Variants in CNTNAP2 observed in about 807,000 individuals in gnomAD.
The protein encoded by CNTNAP2 is contactin associated protein 2, also known as contactin-associated protein-like 2.
Under a neutral mutation model 155.2 loss-of-function variants are expected in CNTNAP2, and 98 were observed. The observed-to-expected ratio is 0.63, with a 90% CI of 0.54 to 0.75. The LOEUF (loss-of-function observed/expected upper bound fraction) is 0.75, where lower values mean the gene tolerates loss of function less well. CNTNAP2 is among the 30% of genes least tolerant of loss of function. CNTNAP2 has a pLI of 0.00. For synonymous variants in CNTNAP2, 651 were observed against 631.2 expected (o/e 1.03, Z -0.47); for missense variants, 1,727 against 1,688.1 (o/e 1.02, Z -0.40).
chr7:146,805,487 A>T (rs989253864), intron 2 of CNTNAP2, among the ~76,000 whole-genome samples: 7 of 152,188 alleles, frequency 4.6e-5, no homozygotes, highest in Admixed American at 3.3e-4. Flanking sequence ...ATGAGGAACC[A>T]CTAGCCTGGG....
intron 20 of CNTNAP2, among the ~76,000 whole-genome samples, chr7:148,266,064 A>G (rs1796661937): frequency 6.6e-6 from 1 of 152,164 alleles, no homozygotes; most frequent in Admixed American, 6.5e-5. Context: ...TGCCTTCAAC[A>G]AGTTGCTGCT....
At chr7:147,484,570 G>A (rs954976647) in intron 10 of CNTNAP2, among the ~76,000 whole-genome samples, 1 of 152,184 alleles carries the variant, frequency 6.6e-6, no homozygotes, top group African/African-American at 2.4e-5. Flanking sequence ...TGTGCATATA[G>A]CAGGTGCTCA....
At chr7:148,213,649 AC>A (rs1188801784) in intron 18 of CNTNAP2, among the ~76,000 whole-genome samples, 1 of 150,342 alleles carries the variant, frequency 6.7e-6, no homozygotes, top group Non-Finnish European at 1.5e-5. Flanking sequence ...TCAGGTAATG[AC>A]CCCCCACATT....
At chr7:146,831,669 CAAAAAAAA>C (rs531970313) in intron 2 of CNTNAP2, among the ~76,000 whole-genome samples, 1 of 16,806 alleles carries the variant, frequency 6.0e-5, no homozygotes, top group Non-Finnish European at 1.3e-4. Context: ...AGCAAGACGC[CAAAAAAAA>C]AAAAAAAAAA....
chr7:146,977,247 C>G (rs1394447110), intron 3 of CNTNAP2, among the ~76,000 whole-genome samples: 1 of 152,076 alleles, frequency 6.6e-6, no homozygotes, highest in African/African-American at 2.4e-5. Flanking sequence ...ATTCTTCTGT[C>G]TTGGTGTTCA....
At chr7:146,185,766 T>C (rs1373429535) in intron 1 of CNTNAP2, among the ~76,000 whole-genome samples, 1 of 151,020 alleles carries the variant, frequency 6.6e-6, no homozygotes, top group Non-Finnish European at 1.5e-5. Flanking sequence ...TTATTCTTTT[T>C]TTTTTTTTTT....
intron 1 of CNTNAP2, among the ~76,000 whole-genome samples, chr7:146,687,909 G>A (rs1337944582): frequency 6.6e-6 from 1 of 152,162 alleles, no homozygotes; most frequent in Non-Finnish European, 1.5e-5. Context: ...GTGCATGTGT[G>A]TGTGAGTTCA....
At chr7:148,277,114 A>AGGAGACAG (rs112050113) in intron 21 of CNTNAP2, among the ~76,000 whole-genome samples, 26,709 of 151,968 alleles carry the variant, frequency 0.18, 3,095 homozygotes, top group African/African-American at 0.33. Context: ...AGAATATAAA[A>AGGAGACAG]GGAGACAGGC....
intron 10 of CNTNAP2, among the ~76,000 whole-genome samples, chr7:147,403,309 C>A (rs1254364085): frequency 6.6e-6 from 1 of 152,196 alleles, no homozygotes; most frequent in Non-Finnish European, 1.5e-5. Flanking sequence ...TGACTGTTGT[C>A]TCATGTCTCC....
intron 9 of CNTNAP2, among the ~76,000 whole-genome samples, chr7:147,394,359 T>C (rs1796773499): frequency 6.6e-6 from 1 of 152,010 alleles, no homozygotes; most frequent in Non-Finnish European, 1.5e-5. Flanking sequence ...AACAGACTAA[T>C]ATAATGGCCA....
chr7:148,210,017 G>A (rs571064984), intron 18 of CNTNAP2, among the ~76,000 whole-genome samples: 14 of 152,216 alleles, frequency 9.2e-5, no homozygotes, highest in South Asian at 4.2e-4. Flanking sequence ...TGTAATTTAC[G>A]ACCTGCTAAA....
At chr7:147,580,536 C>T (rs910485035) in intron 12 of CNTNAP2, among the ~76,000 whole-genome samples, 17 of 143,486 alleles carry the variant, frequency 1.2e-4, no homozygotes, top group African/African-American at 4.0e-4. Flanking sequence ...CATGACAGTT[C>T]GAACATTTCC....
rs143833392 is a variant in CNTNAP2 at position 147,722,105 on chromosome 7, A to G, written c.2098+82799A>G. ...TTTCCACTTTTAGCTGTTTCTATCTAAAGAACTGGGGCTAGCCCCAAACCA... is the reference window on the plus strand; with the variant it reads ...TTTCCACTTTTAGCTGTTTCTATCTGAAGAACTGGGGCTAGCCCCAAACCA... On this transcript the variant is annotated intron_variant, in intron 13 of 23. Transcript: ENST00000361727. Among the ~76,000 whole-genome samples, 888 of 152,282 alleles carry G rather than the reference A, an allele frequency of 5.8e-3. 2 individuals carry two copies. Among genetic ancestry groups the G allele is most frequent in the Admixed American group, 0.011 (172 of 15,286 alleles).
intron 1 of CNTNAP2, among the ~76,000 whole-genome samples, chr7:146,312,577 T>C (rs974196081): frequency 6.6e-6 from 1 of 152,194 alleles, no homozygotes; most frequent in African/African-American, 2.4e-5. Context: ...TTTTCTGTGG[T>C]GAGAACATTA....
chr7:148,291,467 A>G (rs1343529452), intron 21 of CNTNAP2, among the ~76,000 whole-genome samples: 1 of 152,098 alleles, frequency 6.6e-6, no homozygotes, highest in African/African-American at 2.4e-5. Flanking sequence ...CCAGCACAAG[A>G]GAAAGATGTA....
chr7:146,556,915 G>A (rs962725568), intron 1 of CNTNAP2, among the ~76,000 whole-genome samples: 2 of 151,972 alleles, frequency 1.3e-5, no homozygotes, highest in Non-Finnish European at 2.9e-5. Context: ...TAGCCCTGAG[G>A]GATATTGCTC....
At chr7:147,506,060 G>C (rs1013321144) in intron 11 of CNTNAP2, among the ~76,000 whole-genome samples, 3 of 152,238 alleles carry the variant, frequency 2.0e-5, no homozygotes, top group Non-Finnish European at 2.9e-5. Flanking sequence ...TAGCTAAGGA[G>C]ATGTCATGAG....
intron 18 of CNTNAP2, among the ~76,000 whole-genome samples, chr7:148,203,963 G>C (rs1795407644): frequency 6.6e-6 from 1 of 152,084 alleles, no homozygotes; most frequent in Non-Finnish European, 1.5e-5. Flanking sequence ...TTTTTGAAGA[G>C]GCATAGTAAA....
chr7:146,370,117 TAA>T (rs112435730), intron 1 of CNTNAP2, among the ~76,000 whole-genome samples: 1 of 148,198 alleles, frequency 6.7e-6, no homozygotes, highest in African/African-American at 2.5e-5. Flanking sequence ...AACCAATGAT[TAA>T]AAAAAAAAAG....
Sources: gnomAD v4.1 joint callset for allele counts (sites outside exome capture counted in the v4.1 genomes callset) on GRCh38, gnomAD v4.1.1 for gene constraint, MANE v1.5 for transcripts, NCBI Gene and HGNC (gene_info 2026-07-23, HGNC 2026-07-21) for gene names.